NCOR2: variants seen among roughly 807,000 people sequenced by gnomAD.
The protein encoded by NCOR2 is CTG repeat protein 26.
A neutral mutation model predicts 262.9 loss-of-function variants in NCOR2; 81 were observed. The ratio of observed to expected loss-of-function variants is 0.31; its 90% CI spans 0.26 to 0.37. The LOEUF (loss-of-function observed/expected upper bound fraction) is 0.37. NCOR2 is among the 10% of genes least tolerant of loss of function. The pLI, the probability that NCOR2 is intolerant of heterozygous loss-of-function variation, is 1.00. For synonymous variants in NCOR2, 1,659 were observed against 1,559.3 expected (o/e 1.06, Z -1.51); for missense variants, 3,385 against 3,621.4 (o/e 0.93, Z 1.68).
intron 1 of NCOR2, among the ~76,000 whole-genome samples, chr12:124,510,777 C>T (rs749030986): frequency 3.3e-5 from 5 of 152,180 alleles, no homozygotes; most frequent in African/African-American, 4.8e-5. Context: ...GCCCATGGGC[C>T]GCCGCGGACA....
At chr12:124,468,440 ACCC>A (rs753215603) in intron 4 of NCOR2, among the ~76,000 whole-genome samples, 4 of 18,124 alleles carry the variant, frequency 2.2e-4, no homozygotes, top group Admixed American at 6.4e-4. Context: ...CATCCTCATC[ACCC>A]CCATCATCCT....
intron 4 of NCOR2, among the ~76,000 whole-genome samples, chr12:124,469,195 A>T (rs2046702927): frequency 6.6e-6 from 1 of 152,138 alleles, no homozygotes; most frequent in African/African-American, 2.4e-5. Context: ...AAGTGAGATC[A>T]GAACATGGTT....
intron 43 of NCOR2, chr12:124,332,087 G>C: frequency 1.8e-6 from 1 of 554,648 alleles, no homozygotes; most frequent in Non-Finnish European, 3.2e-6. Flanking sequence ...ACTATGTGCT[G>C]GGTGCTATTC....
chr12:124,367,128 C>T (rs557124008), intron 20 of NCOR2, among the ~76,000 whole-genome samples: 2 of 152,268 alleles, frequency 1.3e-5, no homozygotes, highest in South Asian at 2.1e-4. Context: ...CCCGAGAGCT[C>T]GCGTTTTCTA....
At chr12:124,339,904 C>CCCCTCCCCT in intron 37 of NCOR2, 102 bp downstream of exon 39, 4 of 776,824 alleles carry the variant, frequency 5.1e-6, no homozygotes, top group Admixed American at 2.5e-5. Context: ...CCCACCCACC[C>CCCCTCCCCT]ACCTCCCATA....
intron 15 of NCOR2, among the ~76,000 whole-genome samples, chr12:124,399,795 C>G (rs2041897479): frequency 6.6e-6 from 1 of 152,154 alleles, no homozygotes; most frequent in Non-Finnish European, 1.5e-5. Flanking sequence ...AACAGCTAAA[C>G]AAAGTAGAGA....
chr12:124,393,458 C>G (rs1334003175), intron 16 of NCOR2, among the ~76,000 whole-genome samples: 16 of 152,242 alleles, frequency 1.1e-4, no homozygotes, highest in Non-Finnish European at 1.5e-5. Context: ...GCCTCCCACG[C>G]TCTAGAGTAA....
At chr12:124,524,873 C>G (rs1440943881) in intron 1 of NCOR2, among the ~76,000 whole-genome samples, 2 of 152,238 alleles carry the variant, frequency 1.3e-5, no homozygotes, top group Non-Finnish European at 2.9e-5. Flanking sequence ...GACACTCCCC[C>G]TCTGGATACT....
intron 1 of NCOR2, among the ~76,000 whole-genome samples, chr12:124,500,523 G>A (rs1428677126): frequency 6.6e-6 from 1 of 152,198 alleles, no homozygotes; most frequent in Non-Finnish European, 1.5e-5. Context: ...GCCTCCTGCT[G>A]GACCCAGAGC....
intron 1 of NCOR2, among the ~76,000 whole-genome samples, chr12:124,509,377 G>A (rs1360572554): frequency 6.6e-6 from 1 of 152,182 alleles, no homozygotes; most frequent in Non-Finnish European, 1.5e-5. Context: ...AGGCTAACAG[G>A]GACTGAAAGT....
exon 32 of NCOR2, chr12:124,344,755 C>T (rs1254192265): frequency 6.5e-7 from 1 of 1,548,640 alleles, no homozygotes; most frequent in East Asian, 2.4e-5. Flanking sequence ...AATGGAGCCC[C>T]CCGAGCTGCT....
chr12:124,544,704 C>T (rs71458853), intron 1 of NCOR2, among the ~76,000 whole-genome samples: 6,586 of 152,274 alleles, frequency 0.043, 248 homozygotes, highest in Non-Finnish European at 0.064. Flanking sequence ...GAGGGACCTG[C>T]TTCCACCATT....
chr12:124,338,122 G>C (rs925778927), intron 37 of NCOR2, among the ~76,000 whole-genome samples: 3 of 152,178 alleles, frequency 2.0e-5, no homozygotes, highest in African/African-American at 2.4e-5. Flanking sequence ...TAATGATTAG[G>C]GGAGGTATGA....
chr12:124,372,225 C>T, exon 20 of NCOR2: 1 of 1,600,944 alleles, frequency 6.2e-7, no homozygotes. Context: ...CCTCGGCTTC[C>T]TCCGTGCACT....
At chr12:124,447,506 A>T (rs2045250684) in intron 7 of NCOR2, among the ~76,000 whole-genome samples, 1 of 152,188 alleles carries the variant, frequency 6.6e-6, no homozygotes, top group Non-Finnish European at 1.5e-5. Context: ...CACAGTATTC[A>T]GCTTAAAATA....
chr12:124,474,952 GCCA>G (rs1273571318), intron 3 of NCOR2, among the ~76,000 whole-genome samples: 1 of 151,990 alleles, frequency 6.6e-6, no homozygotes, highest in Non-Finnish European at 1.5e-5. Flanking sequence ...CAGCCCGGGG[GCCA>G]CCGAGTGCCC....
chr12:124,561,266 C>T lies in NCOR2; in HGVS notation c.-165+6042G>A, dbSNP rs1242763032. Among the ~76,000 whole-genome samples, 6 of 152,186 alleles carry T rather than the reference C, an allele frequency of 3.9e-5. No homozygotes were observed. In the East Asian group the frequency reaches 9.6e-4, roughly 24 times the overall value. On this transcript the variant is annotated intron_variant, in intron 1 of 32. Coordinates refer to the NCOR2 transcript ENST00000458234. ...TATAGTAGGAGTCACTATGGCTGCA[C>T]TGCCCCGTAGGGTCAGTGGCCACCA...
intron 1 of NCOR2, among the ~76,000 whole-genome samples, chr12:124,500,272 C>T (rs1284526790): frequency 6.6e-6 from 1 of 152,144 alleles, no homozygotes; most frequent in African/African-American, 2.4e-5. Context: ...AGGAGGGCTG[C>T]AGATCCCACG....
rs1297885762 is a variant in NCOR2, at chr12:124,548,240, G to GA, written c.-164-12630dup. On this transcript the variant is annotated intron_variant, in intron 1 of 32. Transcript: ENST00000458234. The surrounding 1 kb of genome is among the most constrained non-coding windows in gnomAD (Gnocchi z 5.1). ...CAGGGAACAGCATTCCAGGTGGGGG[G>GA]AACAACAAACGCGAAGGCCCAGAGG... 6.6e-6 allele frequency among the ~76,000 whole-genome samples: 1 copy of GA among 152,196 alleles called. No homozygotes were observed. Among genetic ancestry groups the GA allele is most frequent in the Non-Finnish European group, 1.5e-5 (1 of 68,036 alleles).
Sources: allele counts gnomAD v4.1 joint callset (sites outside exome capture counted in the v4.1 genomes callset), GRCh38; gene constraint gnomAD v4.1.1; non-coding constraint Gnocchi (gnomAD v3.1); transcripts MANE v1.5; gene names NCBI Gene and HGNC (gene_info 2026-07-23, HGNC 2026-07-21).